The following FBRSL1 variants were observed in gnomAD, a reference collection of about 807,000 sequenced individuals.
FBRSL1 encodes fibrosin like 1.
FBRSL1 carries 51 observed loss-of-function variants against 89.6 expected under a neutral mutation model. The observed-to-expected ratio is 0.57, with a 90% CI of 0.45 to 0.72. The LOEUF is 0.72. FBRSL1 is among the 30% of genes least tolerant of loss of function. The probability of loss-of-function intolerance (pLI) is 0.00; values close to 1 mark genes in which losing one functional copy is unlikely to be tolerated. For synonymous variants in FBRSL1, 779 were observed against 681.1 expected (o/e 1.14, Z -2.24); for missense variants, 1,618 against 1,451.8 (o/e 1.11, Z -1.86).
At chr12:132,551,595 C>A (rs1314258763) in intron 5 of FBRSL1, 5 of 456,136 alleles carry the variant, frequency 1.1e-5, no homozygotes, top group African/African-American at 2.0e-5. Flanking sequence ...TGGCCAGCCA[C>A]CCCTTGGGGA....
At chr12:132,528,057 C>T (rs2035947836) in intron 4 of FBRSL1, 69 bp downstream of exon 4, 1 of 1,394,802 alleles carries the variant, frequency 7.2e-7, no homozygotes, top group Admixed American at 2.0e-5. Context: ...CCCACCTCAC[C>T]TGTCCGAGGC....
chr12:132,577,969 C>T (rs1024492704), intron 15 of FBRSL1, among the ~76,000 whole-genome samples: 18 of 152,346 alleles, frequency 1.2e-4, no homozygotes, highest in Non-Finnish European at 8.8e-5. Context: ...CATGAGCATC[C>T]ACATACAGCT....
At chr12:132,572,438 C>A in intron 10 of FBRSL1, 89 bp from the exon 11 acceptor site, 1 of 1,507,160 alleles carries the variant, frequency 6.6e-7, no homozygotes, top group Non-Finnish European at 9.0e-7. Context: ...TGGCCTCGCC[C>A]CTGCTGCATT....
intron 2 of FBRSL1, among the ~76,000 whole-genome samples, chr12:132,524,009 A>G (rs2035581251): frequency 6.6e-6 from 1 of 152,108 alleles, no homozygotes; most frequent in African/African-American, 2.4e-5. Flanking sequence ...GACAACAGTG[A>G]CCCCTGGTGG....
chr12:132,510,508 C>T (rs1566117686), intron 2 of FBRSL1: 1 of 1,231,918 alleles, frequency 8.1e-7, no homozygotes, highest in Non-Finnish European at 1.0e-6. Flanking sequence ...TGCACCCTGG[C>T]AGGGCCCCAA....
intron 5 of FBRSL1, chr12:132,565,228 A>G (rs538639133): frequency 1.6e-4 from 24 of 152,358 alleles, no homozygotes; most frequent in African/African-American, 5.8e-4. Flanking sequence ...ACCAGAATGC[A>G]GTCTCCTTTA....
intron 9 of FBRSL1, chr12:132,571,807 G>A (rs2137912901): frequency 3.0e-6 from 1 of 327,916 alleles, no homozygotes. Context: ...CCCAGTGCCA[G>A]GGCTGGAGGC....
rs532494001 is a variant in FBRSL1 at position 132,583,961 on chromosome 12, G to T, written c.*183G>T. The T allele has an allele frequency of 2.0e-5, 6 of 294,478 alleles. No individual in the cohort carries two copies. The highest frequency in any genetic ancestry group is 3.7e-5 in the Non-Finnish European group (6 of 160,766). 18.2% of individuals were successfully genotyped at this position (294,478 alleles called of 1,614,324 possible). A position where few individuals can be genotyped will look rare whatever the true frequency, so the allele number is the denominator to read the frequency against. Reference sequence around the variant, plus strand: ...GGTGATCTTTTGTTTTCCGAGTTTGGGATTCGGCTGTTGGGAAAAAAAAAT... The same window carrying T: ...GGTGATCTTTTGTTTTCCGAGTTTGTGATTCGGCTGTTGGGAAAAAAAAAT... On this transcript the variant is annotated 3_prime_UTR_variant, in exon 19 of 19. Coordinates refer to ENST00000680143, the MANE Select transcript of FBRSL1 (RefSeq NM_001367871.1).
chr12:132,560,760 T>C (rs2137619481), intron 5 of FBRSL1, among the ~76,000 whole-genome samples: 1 of 152,318 alleles, frequency 6.6e-6, no homozygotes, highest in African/African-American at 2.4e-5. Context: ...GCAGGGACCC[T>C]GAGCCTGCGG....
At chr12:132,577,069 T>A in intron 15 of FBRSL1, 138 bp downstream of exon 15, 1 of 1,237,700 alleles carries the variant, frequency 8.1e-7, no homozygotes, top group Non-Finnish European at 1.1e-6. Flanking sequence ...TCACCACTTA[T>A]TCAGGTCAAA....
Position 132,574,574 on chromosome 12 carries a change from C to A in FBRSL1, c.1701+10C>A. The A allele has an allele frequency of 6.5e-7, 1 of 1,548,454 alleles. No homozygotes were observed. The highest frequency in any genetic ancestry group is 8.7e-7 in the Non-Finnish European group (1 of 1,146,352). ...CCAGCAGAAGATAAAGGTGAGACCACCTGGGCTGGGGCAGGGCGCTTGTGA... is the reference window on the plus strand; with the variant it reads ...CCAGCAGAAGATAAAGGTGAGACCAACTGGGCTGGGGCAGGGCGCTTGTGA... On this transcript the variant is annotated intron_variant, in intron 14 of 18. Coordinates refer to ENST00000680143, the MANE Select transcript of FBRSL1 (RefSeq NM_001367871.1).
chr12:132,491,469 T>C (rs1175672313), intron 1 of FBRSL1, among the ~76,000 whole-genome samples: 1 of 152,270 alleles, frequency 6.6e-6, no homozygotes, highest in African/African-American at 2.4e-5. Flanking sequence ...AATTAAATGC[T>C]GTCTGAGAGT....
At chr12:132,512,743 G>A (rs561010633) in intron 2 of FBRSL1, among the ~76,000 whole-genome samples, 13 of 152,378 alleles carry the variant, frequency 8.5e-5, no homozygotes, top group Admixed American at 5.2e-4. Context: ...CTGAGCAGTG[G>A]CACTTGGCTG....
At chr12:132,576,679 C>A in intron 14 of FBRSL1, 120 bp from the exon 15 acceptor site, 1 of 1,166,206 alleles carries the variant, frequency 8.6e-7, no homozygotes, top group Non-Finnish European at 1.2e-6. Flanking sequence ...TGAAATCCAT[C>A]CCACCTGCTC....
rs1342282019 is a variant in FBRSL1, at chr12:132,496,280, C to T, written c.291+5419C>T. Reference sequence around the variant, plus strand: ...CCTTACGGGGAGGTCTGTCGCCAGACGTCCGCCATATCCCGCCTTTGTGTG... The same window carrying T: ...CCTTACGGGGAGGTCTGTCGCCAGATGTCCGCCATATCCCGCCTTTGTGTG... On this transcript the variant is annotated intron_variant, in intron 1 of 18. Coordinates refer to ENST00000680143, the MANE Select transcript of FBRSL1 (RefSeq NM_001367871.1). Among the ~76,000 whole-genome samples the T allele has an allele frequency of 1.0e-3, 157 of 152,216 alleles. 2 individuals are homozygous for T. The highest frequency in any genetic ancestry group is 0.01 in the Admixed American group (156 of 15,288).
intron 11 of FBRSL1, 149 bp from the exon 12 acceptor site, chr12:132,573,941 G>A: frequency 2.1e-5 from 5 of 239,170 alleles, no homozygotes; most frequent in Non-Finnish European, 3.6e-5. Flanking sequence ...GGTCCTGCGA[G>A]GGAGGGCAGG....
rs2040804572 is a variant in FBRSL1 at position 132,582,175 on chromosome 12, C to T, written c.2110C>T (p.Pro704Ser). The T allele has an allele frequency of 1.3e-6, 2 of 1,549,968 alleles. No homozygotes were observed. Among genetic ancestry groups the T allele is most frequent in the Admixed American group, 3.9e-5 (2 of 50,976 alleles). ...HRAPPSFPAP[P>S]PWPKSVDAER... ...GGCACCGCCCTCCTTCCCGGCTCCG[C>T]CCCCGTGGCCCAAGTCCGTGGACGC... The change falls in exon 18 of 19, where the codon CCC becomes TCC. Residue 704 changes from proline (P) to serine (S), a missense_variant. Physicochemically the swap from Pro to Ser is moderately conservative, Grantham distance 74. Transcript: ENST00000680143.
At chr12:132,566,101 G>A (rs10870470) in intron 5 of FBRSL1, 62,914 of 151,558 alleles carry the variant, frequency 0.42, 13,643 homozygotes, top group East Asian at 0.73. Context: ...GCCCAGTTCT[G>A]CAGCAGACAT....
intron 13 of FBRSL1, 58 bp downstream of exon 13, chr12:132,574,406 C>T: frequency 1.3e-6 from 2 of 1,548,520 alleles, no homozygotes; most frequent in Non-Finnish European, 1.7e-6. Flanking sequence ...CCCGGGGCGG[C>T]CTCGGGGGGC....
Sources: allele counts gnomAD v4.1 joint callset (sites outside exome capture counted in the v4.1 genomes callset), GRCh38; gene constraint gnomAD v4.1.1; transcripts MANE v1.5; gene names NCBI Gene and HGNC (gene_info 2026-07-23, HGNC 2026-07-21).